Variants in MARCHF1 observed in about 807,000 individuals in gnomAD.
The protein encoded by MARCHF1 is membrane associated ring-CH-type finger 1.
In MARCHF1, 40 loss-of-function variants were observed where a neutral mutation model predicts 54.2. The observed-to-expected ratio is 0.74, with a 90% CI of 0.57 to 0.96. The LOEUF is 0.96. Among genes scored for constraint, MARCHF1 ranks in the 40% least tolerant of loss-of-function variants. MARCHF1 has a pLI of 0.00. For missense variants in MARCHF1, 586 were observed against 656.5 expected (o/e 0.89, Z 1.17); for synonymous variants, 236 against 236.3 (o/e 1.00, Z 0.01).
At chr4:164,183,598 T>G (rs535715392) in intron 1 of MARCHF1, among the ~76,000 whole-genome samples, 3 of 152,332 alleles carry the variant, frequency 2.0e-5, no homozygotes, top group Admixed American at 6.5e-5. Context: ...TCCAGAAGTT[T>G]TGTTGCTTTG....
chr4:164,072,523 C>T (rs1754889792), intron 2 of MARCHF1, among the ~76,000 whole-genome samples: 2 of 151,892 alleles, frequency 1.3e-5, no homozygotes, highest in Non-Finnish European at 2.9e-5. Flanking sequence ...ATTATGCCAC[C>T]ACACGCCAGC....
At chr4:164,374,890 A>G (rs544892724) in intron 1 of MARCHF1, among the ~76,000 whole-genome samples, 3 of 152,272 alleles carry the variant, frequency 2.0e-5, no homozygotes, top group Admixed American at 2.0e-4. Flanking sequence ...TATCTTATTA[A>G]AAAGGAAAGA....
At chr4:163,958,808 T>A (rs1427367873) in intron 3 of MARCHF1, among the ~76,000 whole-genome samples, 1 of 151,968 alleles carries the variant, frequency 6.6e-6, no homozygotes, top group African/African-American at 2.4e-5. Context: ...AATCTCACAT[T>A]TGGGATGAAT....
intron 8 of MARCHF1, chr4:163,584,228 A>C: frequency 6.6e-6 from 1 of 151,942 alleles, no homozygotes; most frequent in East Asian, 1.9e-4. Context: ...AAAGAAGAGA[A>C]AATTAGAATA....
chr4:163,620,631 AGAGAGAGAGAGAGAGACACG>A (rs1741659594), intron 5 of MARCHF1, among the ~76,000 whole-genome samples: 1 of 147,682 alleles, frequency 6.8e-6, no homozygotes, highest in African/African-American at 2.5e-5. Context: ...AGAGAGAGAG[AGAGAGAGAGAGAGAGACACG>A]CACACACACA....
intron 4 of MARCHF1, among the ~76,000 whole-genome samples, chr4:163,793,574 G>C (rs750831525): frequency 1.7e-4 from 26 of 152,056 alleles, no homozygotes; most frequent in Non-Finnish European, 7.4e-5. Flanking sequence ...ATTGTCTTAT[G>C]CCCAATTTCT....
At chr4:163,938,825 G>T (rs1346085684) in intron 3 of MARCHF1, among the ~76,000 whole-genome samples, 2 of 151,986 alleles carry the variant, frequency 1.3e-5, no homozygotes, top group African/African-American at 4.8e-5. Context: ...AGGAAGCAGG[G>T]AACTCCTTAT....
intron 1 of MARCHF1, among the ~76,000 whole-genome samples, chr4:164,336,715 A>C (rs1729752198): frequency 6.6e-6 from 1 of 152,200 alleles, no homozygotes; most frequent in South Asian, 2.1e-4. Context: ...TTCAAAGGTT[A>C]CTACCAGGTT....
chr4:164,295,361 C>T (rs573443294), intron 1 of MARCHF1, among the ~76,000 whole-genome samples: 1 of 152,038 alleles, frequency 6.6e-6, no homozygotes, highest in African/African-American at 2.4e-5. Flanking sequence ...TTTTCAAGGG[C>T]TTTTAGCTCA....
intron 2 of MARCHF1, among the ~76,000 whole-genome samples, chr4:164,095,049 G>A (rs756951724): frequency 6.6e-6 from 1 of 152,068 alleles, no homozygotes; most frequent in Non-Finnish European, 1.5e-5. Flanking sequence ...TGTTAACAAT[G>A]CTTAACAATG....
At chr4:164,224,728 T>A (rs964615134) in intron 1 of MARCHF1, among the ~76,000 whole-genome samples, 1 of 152,066 alleles carries the variant, frequency 6.6e-6, no homozygotes, top group Non-Finnish European at 1.5e-5. Flanking sequence ...ATTAAGTTTA[T>A]AAATATTTTA....
At chr4:163,959,607 G>T (rs1204685749) in intron 3 of MARCHF1, among the ~76,000 whole-genome samples, 1 of 151,980 alleles carries the variant, frequency 6.6e-6, no homozygotes, top group African/African-American at 2.4e-5. Context: ...TAACTGAGTA[G>T]CCATGCACAG....
At chr4:164,181,201 A>G (rs534546340) in intron 1 of MARCHF1, among the ~76,000 whole-genome samples, 2 of 152,252 alleles carry the variant, frequency 1.3e-5, no homozygotes, top group East Asian at 3.9e-4. Flanking sequence ...TTGTGTGAAC[A>G]CGTCCTCTGC....
chr4:163,593,875 C>CTCAT (rs370341985), intron 7 of MARCHF1, among the ~76,000 whole-genome samples: 26 of 152,140 alleles, frequency 1.7e-4, no homozygotes, highest in African/African-American at 4.8e-4. Flanking sequence ...CATTTATTCA[C>CTCAT]TCATTCATTC....
intron 1 of MARCHF1, among the ~76,000 whole-genome samples, chr4:164,289,589 A>G (rs1365792388): frequency 3.3e-5 from 4 of 120,620 alleles, no homozygotes; most frequent in African/African-American, 1.4e-4. Flanking sequence ...TAGATGGAAA[A>G]AAAAAAAAAA....
chr4:163,584,919 A>G (rs1191990536), intron 8 of MARCHF1: 1 of 152,254 alleles, frequency 6.6e-6, no homozygotes, highest in Non-Finnish European at 1.5e-5. Context: ...TGAGGCAGCC[A>G]TATATGTAAG....
chr4:164,003,858 T>A (rs1012593954), intron 2 of MARCHF1, among the ~76,000 whole-genome samples: 2 of 152,130 alleles, frequency 1.3e-5, no homozygotes, highest in Non-Finnish European at 2.9e-5. Context: ...GCAGCACTAT[T>A]CACAATAGCA....
At chr4:164,263,913 C>T (rs532483374) in intron 1 of MARCHF1, among the ~76,000 whole-genome samples, 2 of 152,138 alleles carry the variant, frequency 1.3e-5, no homozygotes, top group South Asian at 4.1e-4. Context: ...CAAATCAGTT[C>T]AATCATTGTG....
intron 7 of MARCHF1, 107 bp downstream of exon 7, chr4:163,612,164 A>T (rs907431): frequency 1.1e-6 from 1 of 950,652 alleles, no homozygotes; most frequent in Non-Finnish European, 1.5e-6. Context: ...AAAAAGAACA[A>T]TGTAAATAAA....
Sources: gnomAD v4.1 joint callset for allele counts (sites outside exome capture counted in the v4.1 genomes callset) on GRCh38, gnomAD v4.1.1 for gene constraint, MANE v1.5 for transcripts, NCBI Gene and HGNC (gene_info 2026-07-23, HGNC 2026-07-21) for gene names.